Variants in TRABD2B observed in about 807,000 individuals in gnomAD.
TRABD2B encodes the protein metalloprotease TIKI2.
TRABD2B carries 14 observed loss-of-function variants against 40.1 expected under a neutral mutation model. The ratio of observed to expected loss-of-function variants is 0.35; its 90% confidence interval spans 0.23 to 0.55. TRABD2B has a LOEUF of 0.55. Ranked by LOEUF, TRABD2B falls within the 20% of genes least tolerant of loss-of-function variation. The pLI is 0.90. For synonymous variants in TRABD2B, 263 were observed against 277.0 expected, an observed-to-expected ratio of 0.95 and a Z score of 0.50; for missense variants, 541 against 648.6, an observed-to-expected ratio of 0.83 and a Z score of 1.80.
rs1644151804 is a variant in TRABD2B, at chr1:47,872,188, C to T, written c.667-70569G>A. On this transcript the variant is annotated intron_variant, in intron 2 of 6. Transcript: ENST00000606738. ...GGACCCTATGTCTGTGGGCTCAGGC[C>T]TGTTTTGCATCTACAGTCTAATTCA... Among the ~76,000 whole-genome samples the T allele has an allele frequency of 2.0e-5, 3 of 152,284 alleles. 1 individual carries two copies. In the South Asian group the frequency reaches 6.2e-4, roughly 32 times the overall value.
At chr1:47,984,010 C>A (rs1008977574) in intron 2 of TRABD2B, among the ~76,000 whole-genome samples, 1 of 152,214 alleles carries the variant, frequency 6.6e-6, no homozygotes, top group African/African-American at 2.4e-5. Context: ...GCTTTCTCCG[C>A]TGATATCATT....
chr1:47,973,264 C>T (rs1645707116), intron 2 of TRABD2B, among the ~76,000 whole-genome samples: 1 of 152,236 alleles, frequency 6.6e-6, no homozygotes, highest in Non-Finnish European at 1.5e-5. Flanking sequence ...AGCCAGGTCT[C>T]TGGCAACTGG....
intron 3 of TRABD2B, among the ~76,000 whole-genome samples, chr1:47,797,906 T>C (rs1644769675): frequency 6.6e-6 from 1 of 152,126 alleles, no homozygotes; most frequent in Non-Finnish European, 1.5e-5. Context: ...CTGTGGGGGA[T>C]GAGTTCAGTG....
chr1:47,872,187 C>T (rs1205435172), intron 2 of TRABD2B, among the ~76,000 whole-genome samples: 1 of 152,128 alleles, frequency 6.6e-6, no homozygotes, highest in Non-Finnish European at 1.5e-5. Flanking sequence ...TGGGCTCAGG[C>T]CTGTTTTGCA....
chr1:47,969,024 A>G (rs951219466), intron 2 of TRABD2B, among the ~76,000 whole-genome samples: 1 of 152,184 alleles, frequency 6.6e-6, no homozygotes, highest in Non-Finnish European at 1.5e-5. Context: ...TCCCATGCCT[A>G]TCATTAACAC....
rs775878721 is a variant in TRABD2B at position 47,789,339 on chromosome 1, T to C, written c.988+5247A>G. On this transcript the variant is annotated intron_variant, in intron 4 of 6. Transcript: ENST00000606738. Reference sequence around the variant, plus strand: ...CTCATTGCAGTCAGCATCCTCTATGTTCCTAGCATAGACAGAGCAGATTTG... The same window carrying C: ...CTCATTGCAGTCAGCATCCTCTATGCTCCTAGCATAGACAGAGCAGATTTG... Among the ~76,000 whole-genome samples, 109 of 152,138 alleles carry C rather than the reference T, an allele frequency of 7.2e-4. 1 individual carries two copies. Among genetic ancestry groups the C allele is most frequent in the Non-Finnish European group, 1.3e-3 (87 of 68,024 alleles).
At chr1:47,960,917 C>T (rs1368749295) in intron 2 of TRABD2B, among the ~76,000 whole-genome samples, 5 of 151,782 alleles carry the variant, frequency 3.3e-5, no homozygotes, top group Non-Finnish European at 5.9e-5. Flanking sequence ...AATCCTGAGC[C>T]AAAAGAACAA....
At chr1:47,806,471 C>T (rs6683291) in intron 2 of TRABD2B, among the ~76,000 whole-genome samples, 36,004 of 152,016 alleles carry the variant, frequency 0.24, 4,481 homozygotes, top group East Asian at 0.46. Context: ...TACATAGCCT[C>T]GGTGGCCCAC....
intron 4 of TRABD2B, among the ~76,000 whole-genome samples, chr1:47,783,811 A>G (rs1644558052): frequency 6.6e-6 from 1 of 152,226 alleles, no homozygotes; most frequent in African/African-American, 2.4e-5. Flanking sequence ...GCACAGCCTG[A>G]CAGCCCCTGT....
At chr1:47,844,253 CT>C (rs1487695739) in intron 2 of TRABD2B, among the ~76,000 whole-genome samples, 4 of 152,156 alleles carry the variant, frequency 2.6e-5, no homozygotes, top group African/African-American at 9.7e-5. Context: ...TTGAATAGGC[CT>C]TTTTCTCCCG....
chr1:47,800,761 CTA>C (rs1644812107), intron 3 of TRABD2B, among the ~76,000 whole-genome samples: 1 of 152,156 alleles, frequency 6.6e-6, no homozygotes, highest in Non-Finnish European at 1.5e-5. Context: ...TGACATATGA[CTA>C]TGACCAAGTG....
chr1:47,766,043 G>A lies in TRABD2B; in HGVS notation c.1413C>T (p.Pro471=), dbSNP rs1195232094. 2.9e-6 allele frequency: 2 copies of A among 695,972 alleles called. No individual in the cohort carries two copies. Among genetic ancestry groups the A allele is most frequent in the African/African-American group, 1.7e-5 (1 of 57,198 alleles). The allele number at this position is 695,972 out of a possible 1,614,324, so 43.1% of individuals were successfully genotyped here. ...QPTHSSGTAK[P]PFQLSDQLQQ... ...GTAGCTGGTCTGAAAGCTGGAAGGG[G>A]GGCTTGGCGGTCCCCGAGCTGTGGG... Residue 471 remains proline (P), a synonymous_variant, in exon 7 of 7, where the codon CCC becomes CCT. Transcript: ENST00000606738.
chr1:47,863,005 A>G (rs768144712), intron 2 of TRABD2B, among the ~76,000 whole-genome samples: 6 of 152,160 alleles, frequency 3.9e-5, no homozygotes, highest in Non-Finnish European at 5.9e-5. Context: ...ACAAATGGTC[A>G]TTCACATGTA....
At position 47,824,921 on chromosome 1, in the gene TRABD2B, A is replaced by G. The variant is rs1171735082; in HGVS notation, c.667-23302T>C. On this transcript the variant is annotated intron_variant, in intron 2 of 6. Transcript: ENST00000606738. ...CATATGCATATTCACACGGCTGCCCACAGGAGGAGGCCAACTTGGCCAGCA... is the reference window on the plus strand; with the variant it reads ...CATATGCATATTCACACGGCTGCCCGCAGGAGGAGGCCAACTTGGCCAGCA... 3.3e-5 allele frequency among the ~76,000 whole-genome samples: 5 copies of G among 152,166 alleles called. No homozygotes were observed. The East Asian group carries it at 9.7e-4, about 29-fold the overall frequency.
In TRABD2B at chr1:47,834,579, G is replaced by GCACACACA. The variant is rs3035710; in HGVS notation, c.667-32968_667-32961dup. Among the ~76,000 whole-genome samples, 298 of 148,920 alleles carry GCACACACA rather than the reference G, an allele frequency of 2.0e-3. 2 individuals are homozygous for GCACACACA. The highest frequency in any genetic ancestry group is 6.8e-3 in the African/African-American group (275 of 40,614). On this transcript the variant is annotated intron_variant, in intron 2 of 6. Coordinates refer to ENST00000606738, the MANE Select transcript of TRABD2B (RefSeq NM_001194986.2). ...TGTGCTCCAACACACACACACACGC[G>GCACACACA]CACACACACACACACACACACACAG...
chr1:47,956,621 C>A (rs1468140344), intron 2 of TRABD2B, among the ~76,000 whole-genome samples: 2 of 152,226 alleles, frequency 1.3e-5, no homozygotes, highest in African/African-American at 4.8e-5. Context: ...TCACAGCAGT[C>A]TGAGATCAAA....
rs978818661 is a variant in TRABD2B, at chr1:47,994,285, C to A, written c.415G>T (p.Ala139Ser). ...GCATAGAGCCCCTTGCCCCGCTGAG[C>A]GGGCGTCATCCAGGAGGGCATCATC... ...KLMMPSWMTP[A>S]QRGKGLYADY... The change falls in exon 2 of 7, where the codon GCT becomes TCT. Residue 139 changes from alanine (A) to serine (S), a missense_variant. Physicochemically the swap from Ala to Ser is moderately conservative, Grantham distance 99. This residue lies in a region of TRABD2B where 369 missense variants were observed against 492.8 expected (regional missense o/e 0.75). Coordinates refer to ENST00000606738, the MANE Select transcript of TRABD2B (RefSeq NM_001194986.2). This position sits in a 1 kb window ranked among gnomAD's most constrained non-coding sequence, Gnocchi z 6.7. 8 of 1,536,624 alleles carry A rather than the reference C, an allele frequency of 5.2e-6. No homozygotes were observed. The highest frequency in any genetic ancestry group is 7.0e-6 in the Non-Finnish European group (8 of 1,146,986).
At chr1:47,829,511 C>G (rs1570066767) in intron 2 of TRABD2B, among the ~76,000 whole-genome samples, 1 of 152,160 alleles carries the variant, frequency 6.6e-6, no homozygotes, top group Non-Finnish European at 1.5e-5. Context: ...AGCAGATGCC[C>G]TGGGCTGGGG....
intron 2 of TRABD2B, among the ~76,000 whole-genome samples, chr1:47,915,150 C>A (rs1644813587): frequency 1.3e-5 from 2 of 152,204 alleles, no homozygotes; most frequent in South Asian, 4.1e-4. Context: ...CATCTTGTTA[C>A]TGCAAGGAAT....
Sources: allele counts gnomAD v4.1 joint callset (sites outside exome capture counted in the v4.1 genomes callset), GRCh38; gene constraint gnomAD v4.1.1; regional missense constraint gnomAD v4.1.1; non-coding constraint Gnocchi (gnomAD v3.1); transcripts MANE v1.5; gene names NCBI Gene and HGNC (gene_info 2026-07-23, HGNC 2026-07-21).